The following DMD variants were observed in gnomAD, a reference collection of about 807,000 sequenced individuals.
DMD encodes the protein mutant dystrophin.
In DMD, 63 loss-of-function variants were observed where a neutral mutation model predicts 330.1. The ratio of observed to expected loss-of-function variants is 0.19; its 90% CI spans 0.16 to 0.24. DMD has a LOEUF of 0.24. Among genes scored for constraint, DMD ranks in the 10% least tolerant of loss-of-function variants. The probability of loss-of-function intolerance (pLI) is 1.00; values close to 1 mark genes in which losing one functional copy is unlikely to be tolerated. For synonymous variants in DMD, 1,223 were observed against 959.8 expected (o/e 1.27, Z -5.07); for missense variants, 3,344 against 2,684.1 (o/e 1.25, Z -5.43).
At chrX:31,830,824 C>T (rs1200631285) in intron 49 of DMD, among the ~76,000 whole-genome samples, 1 of 111,209 alleles carries the variant, frequency 9.0e-6, no homozygotes, top group African/African-American at 3.3e-5. Flanking sequence ...ACAAGGCCAC[C>T]CCATGGCCGT....
chrX:32,599,337 C>T (rs765517500), intron 12 of DMD, among the ~76,000 whole-genome samples: 33 of 111,747 alleles, frequency 3.0e-4, no homozygotes, highest in African/African-American at 1.1e-3. Flanking sequence ...TTCAATTGTT[C>T]TGCCAAACTA....
chrX:32,221,637 A>G (rs907934693), intron 43 of DMD, among the ~76,000 whole-genome samples: 7 of 111,716 alleles, frequency 6.3e-5, no homozygotes, highest in Non-Finnish European at 1.3e-4. Flanking sequence ...AAAATCAGAT[A>G]TTTTAGTGCA....
intron 55 of DMD, among the ~76,000 whole-genome samples, chrX:31,599,657 A>G (rs1359923185): frequency 8.9e-6 from 1 of 112,268 alleles, no homozygotes; most frequent in Non-Finnish European, 1.9e-5. Context: ...TGACACTGAA[A>G]TGCTGAAGAC....
chrX:33,159,308 T>A (rs772904176), intron 1 of DMD: 1 of 111,568 alleles, frequency 9.0e-6, no homozygotes, highest in African/African-American at 3.3e-5. Flanking sequence ...TATTATACTT[T>A]AAATTCTGGG....
intron 9 of DMD, among the ~76,000 whole-genome samples, chrX:32,668,988 A>G (rs966769469): frequency 9.0e-6 from 1 of 111,497 alleles, no homozygotes; most frequent in African/African-American, 3.3e-5. Context: ...TATTTTATAT[A>G]GCACATTGTA....
intron 49 of DMD, among the ~76,000 whole-genome samples, chrX:31,830,545 G>A (rs1448396804): frequency 8.9e-5 from 10 of 111,878 alleles, no homozygotes; most frequent in Non-Finnish European, 1.5e-4. Context: ...GGTGAGCCGA[G>A]ATCGCGCCAC....
intron 1 of DMD, among the ~76,000 whole-genome samples, chrX:33,112,841 A>C (rs904831403): frequency 9.2e-5 from 10 of 108,535 alleles, no homozygotes; most frequent in African/African-American, 3.0e-4. Flanking sequence ...TAATCCCAGC[A>C]CTTTGGGAGG....
chrX:31,967,588 A>C (rs2095363163), intron 45 of DMD, among the ~76,000 whole-genome samples: 1 of 111,091 alleles, frequency 9.0e-6, no homozygotes, highest in African/African-American at 3.3e-5. Context: ...AGAGCTTGGC[A>C]AAAGAACGAA....
chrX:32,400,416 T>C (rs1051158541), intron 30 of DMD, among the ~76,000 whole-genome samples: 7 of 111,503 alleles, frequency 6.3e-5, no homozygotes, highest in South Asian at 3.8e-4. Flanking sequence ...GGTCTAAAAT[T>C]CTCTTTTTTG....
At chrX:31,522,363 C>CTCTCTCTATATATATATATATATATATA in intron 55 of DMD, among the ~76,000 whole-genome samples, 7 of 35,960 alleles carry the variant, frequency 1.9e-4, no homozygotes, top group Admixed American at 4.2e-4. Context: ...CTCTCTCTCT[C>CTCTCTCTATATATATATATATATATATA]TATATATATA....
chrX:31,876,440 G>C (rs769670216), intron 47 of DMD, among the ~76,000 whole-genome samples: 1 of 111,958 alleles, frequency 8.9e-6, no homozygotes, highest in Non-Finnish European at 1.9e-5. Context: ...TAGGATTACT[G>C]TTAGGACTCA....
At chrX:32,899,846 A>G in intron 2 of DMD, among the ~76,000 whole-genome samples, 1 of 111,781 alleles carries the variant, frequency 8.9e-6, no homozygotes, top group Admixed American at 9.5e-5. Flanking sequence ...CAGTAAAGTA[A>G]GAGTTTGACT....
intron 54 of DMD, among the ~76,000 whole-genome samples, chrX:31,632,523 G>C (rs759205382): frequency 8.9e-6 from 1 of 111,885 alleles, no homozygotes; most frequent in Admixed American, 9.5e-5. Flanking sequence ...CATTGTTATA[G>C]AGTAATCACA....
chrX:31,178,871 A>G, intron 69 of DMD, 66 bp from the exon 70 acceptor site: 1 of 1,138,022 alleles, frequency 8.8e-7, no homozygotes, highest in Non-Finnish European at 1.2e-6. Context: ...TGACCACTCC[A>G]GTCTTCTGCC....
chrX:31,726,004 T>C (rs2086017380), intron 52 of DMD, among the ~76,000 whole-genome samples: 1 of 112,245 alleles, frequency 8.9e-6, no homozygotes, highest in African/African-American at 3.2e-5. Flanking sequence ...TTTGGTCCCC[T>C]GACCCAGCCC....
intron 1 of DMD, among the ~76,000 whole-genome samples, chrX:33,023,918 A>G (rs1764328819): frequency 8.9e-6 from 1 of 111,902 alleles, no homozygotes; most frequent in Non-Finnish European, 1.9e-5. Flanking sequence ...TAGTCAGTGA[A>G]TGGACATATT....
At chrX:31,709,981 A>G (rs1053149101) in intron 52 of DMD, among the ~76,000 whole-genome samples, 10 of 111,821 alleles carry the variant, frequency 8.9e-5, no homozygotes, top group African/African-American at 2.9e-4. Context: ...GAGATTGTGG[A>G]TAGTAATAGC....
intron 60 of DMD, among the ~76,000 whole-genome samples, chrX:31,388,285 G>T (rs1303521825): frequency 9.1e-6 from 1 of 110,477 alleles, no homozygotes; most frequent in Non-Finnish European, 1.9e-5. Flanking sequence ...TTACAGGAGT[G>T]AGCCACCACG....
At chrX:33,197,882 C>T (rs1164787310) in intron 1 of DMD, among the ~76,000 whole-genome samples, 1 of 111,049 alleles carries the variant, frequency 9.0e-6, no homozygotes, top group African/African-American at 3.3e-5. Context: ...CTACTGCATT[C>T]ATGTCAAGGT....
Sources: gnomAD v4.1 joint callset for allele counts (sites outside exome capture counted in the v4.1 genomes callset) on GRCh38, gnomAD v4.1.1 for gene constraint, MANE v1.5 for transcripts, NCBI Gene and HGNC (gene_info 2026-07-23, HGNC 2026-07-21) for gene names.